Variants in SND1 observed in about 807,000 individuals in gnomAD.
SND1 encodes the protein staphylococcal nuclease domain-containing protein 1.
A neutral mutation model predicts 121.7 loss-of-function variants in SND1; 38 were observed. That is an observed-to-expected ratio of 0.31 (90% CI 0.24 to 0.41). SND1 has a LOEUF of 0.41. Among genes scored for constraint, SND1 ranks in the 10% least tolerant of loss-of-function variants. SND1 has a pLI of 1.00. For missense variants in SND1, 868 were observed against 1,184.6 expected (o/e 0.73, Z 3.92); for synonymous variants, 401 against 447.4 (o/e 0.90, Z 1.31).
intron 15 of SND1, among the ~76,000 whole-genome samples, chr7:127,983,414 G>A (rs1802312644): frequency 6.6e-6 from 1 of 152,106 alleles, no homozygotes; most frequent in Non-Finnish European, 1.5e-5. Flanking sequence ...TTCCTATCTG[G>A]AAAACTTTTA....
intron 15 of SND1, among the ~76,000 whole-genome samples, chr7:127,962,174 C>G (rs1358937553): frequency 1.3e-5 from 2 of 152,116 alleles, no homozygotes; most frequent in Non-Finnish European, 2.9e-5. Flanking sequence ...TGTTCTCTCT[C>G]TGCTTGGAAT....
At chr7:127,874,390 T>A (rs1799652598) in intron 12 of SND1, among the ~76,000 whole-genome samples, 1 of 152,160 alleles carries the variant, frequency 6.6e-6, no homozygotes, top group Non-Finnish European at 1.5e-5. Flanking sequence ...AAGTATGTAA[T>A]GACTGTTATC....
chr7:127,698,195 A>G (rs767666405), intron 3 of SND1, among the ~76,000 whole-genome samples: 7 of 152,254 alleles, frequency 4.6e-5, no homozygotes, highest in Middle Eastern at 3.4e-3. Context: ...AGCAAGAGAA[A>G]GTCTTTGTCA....
intron 14 of SND1, 70 bp downstream of exon 14, chr7:127,904,889 G>T: frequency 1.0e-6 from 1 of 983,962 alleles, no homozygotes; most frequent in South Asian, 1.3e-5. Context: ...TTTGCTGAAG[G>T]ACTTCAGCTT....
chr7:127,950,451 G>A (rs1584689471), intron 15 of SND1, among the ~76,000 whole-genome samples: 2 of 152,184 alleles, frequency 1.3e-5, no homozygotes, highest in African/African-American at 2.4e-5. Context: ...CACAGCATTT[G>A]TATGATGCAA....
chr7:127,980,957 T>C (rs1247215571), intron 15 of SND1, among the ~76,000 whole-genome samples: 1 of 152,098 alleles, frequency 6.6e-6, no homozygotes, highest in Non-Finnish European at 1.5e-5. Flanking sequence ...GTGCCAAAAA[T>C]CAAAAGGGAG....
intron 11 of SND1, among the ~76,000 whole-genome samples, chr7:127,837,723 C>T (rs2116635368): frequency 6.6e-6 from 1 of 152,244 alleles, no homozygotes; most frequent in East Asian, 1.9e-4. Context: ...AAATATGTAT[C>T]ACTTTTATAA....
chr7:127,766,732 A>C (rs1204773), intron 10 of SND1, among the ~76,000 whole-genome samples: 1 of 122,090 alleles, frequency 8.2e-6, no homozygotes, highest in Non-Finnish European at 1.6e-5. Context: ...AGATGGCGCC[A>C]CTGCACTCCA....
At chr7:127,856,496 A>C (rs1347870464) in intron 12 of SND1, among the ~76,000 whole-genome samples, 1 of 152,226 alleles carries the variant, frequency 6.6e-6, no homozygotes, top group Non-Finnish European at 1.5e-5. Context: ...GGGAAACAAA[A>C]GGAACTTGGA....
intron 16 of SND1, among the ~76,000 whole-genome samples, chr7:128,026,001 T>G (rs1803467242): frequency 6.6e-6 from 1 of 150,834 alleles, no homozygotes. Flanking sequence ...ATTCCCTGTC[T>G]GCTCAAATAG....
At chr7:128,079,326 G>C (rs1488669784) in intron 17 of SND1, among the ~76,000 whole-genome samples, 1 of 152,252 alleles carries the variant, frequency 6.6e-6, no homozygotes. Context: ...AGGGATTAGG[G>C]CCTCTGTCCT....
At chr7:127,961,869 C>T (rs1801739756) in intron 15 of SND1, among the ~76,000 whole-genome samples, 1 of 152,136 alleles carries the variant, frequency 6.6e-6, no homozygotes, top group Non-Finnish European at 1.5e-5. Context: ...AACAGGACAC[C>T]CTCCTGCAAC....
chr7:127,830,577 T>G (rs1415812289), intron 11 of SND1, among the ~76,000 whole-genome samples: 1 of 152,178 alleles, frequency 6.6e-6, no homozygotes. Context: ...TTGGACATCT[T>G]TCCATAGCAG....
At chr7:128,036,088 A>G (rs1338849008) in intron 16 of SND1, among the ~76,000 whole-genome samples, 1 of 152,240 alleles carries the variant, frequency 6.6e-6, no homozygotes, top group African/African-American at 2.4e-5. Flanking sequence ...GTAGTATGGA[A>G]ATTGCCCTCC....
At chr7:127,807,334 A>G in intron 10 of SND1, 150 bp from the exon 11 acceptor site, 1 of 600,052 alleles carries the variant, frequency 1.7e-6, no homozygotes, top group Admixed American at 3.0e-5. Flanking sequence ...TCAACCAAAT[A>G]CTTTTAATCA....
rs564743211 is a variant in SND1, at chr7:128,090,189, C to G, written c.2622+497C>G. ...GACTTGGAGTCCTGCCTCCACTGTT[C>G]TGAGAGGAGAAGCCAGCCTCCTGAG... On this transcript the variant is annotated intron_variant, in intron 22 of 23. Coordinates refer to ENST00000354725, the MANE Select transcript of SND1 (RefSeq NM_014390.4). Among the ~76,000 whole-genome samples, 22 of 152,308 alleles carry G rather than the reference C, an allele frequency of 1.4e-4. 1 individual carries two copies. In the South Asian group the frequency reaches 3.9e-3, roughly 27 times the overall value.
chr7:127,695,341 C>T (rs1795987976), intron 3 of SND1, among the ~76,000 whole-genome samples: 1 of 152,104 alleles, frequency 6.6e-6, no homozygotes, highest in South Asian at 2.1e-4. Context: ...CTCTTGGGAA[C>T]TCTTTTGGAA....
At chr7:127,801,130 G>A (rs757822183) in intron 10 of SND1, among the ~76,000 whole-genome samples, 8 of 152,122 alleles carry the variant, frequency 5.3e-5, no homozygotes, top group South Asian at 4.1e-4. Context: ...GTAGCATTTC[G>A]TAGTTAGAGG....
chr7:128,004,862 A>G (rs1459778615), intron 16 of SND1, among the ~76,000 whole-genome samples: 1 of 152,192 alleles, frequency 6.6e-6, no homozygotes, highest in Non-Finnish European at 1.5e-5. Flanking sequence ...GACCTCTAAC[A>G]TTTGGACCCA....
Sources: gnomAD v4.1 joint callset for allele counts (sites outside exome capture counted in the v4.1 genomes callset) on GRCh38, gnomAD v4.1.1 for gene constraint, MANE v1.5 for transcripts, NCBI Gene and HGNC (gene_info 2026-07-23, HGNC 2026-07-21) for gene names.